PDE4D: variants seen among roughly 807,000 people sequenced by gnomAD.
PDE4D encodes 3',5'-cyclic-AMP phosphodiesterase 4D.
A neutral mutation model predicts 87.4 loss-of-function variants in PDE4D; 24 were observed. The observed-to-expected ratio is 0.27, with a 90% confidence interval of 0.20 to 0.39. PDE4D has a LOEUF of 0.39. PDE4D is among the 10% of genes least tolerant of loss of function. PDE4D has a pLI of 1.00. For synonymous variants in PDE4D, 384 were observed against 383.2 expected, an observed-to-expected ratio of 1.00 and a Z score of -0.02; for missense variants, 714 against 1,041.0, an observed-to-expected ratio of 0.69 and a Z score of 4.32.
At position 58,999,553 on chromosome 5, in the gene PDE4D, G is replaced by GTATA. The variant is rs35776313; in HGVS notation, c.922-6092_922-6089dup. On this transcript the variant is annotated intron_variant, in intron 6 of 14. Transcript: ENST00000340635. ...TTCAGGCATTTTTGATTGATTATAT[G>GTATA]TATATATATATATATGTATATATAT... 9.1e-3 allele frequency: 9,529 copies of GTATA among 1,043,206 alleles called. 29 individuals are homozygous for GTATA. The highest frequency in any genetic ancestry group is 0.027 in the African/African-American group (1,553 of 57,148). The allele number at this position is 1,043,206 out of a possible 1,614,324, so 64.6% of individuals were successfully genotyped here.
intron 1 of PDE4D, among the ~76,000 whole-genome samples, chr5:59,839,412 GTTTGT>G (rs1742641493): frequency 6.6e-6 from 1 of 151,868 alleles, no homozygotes; most frequent in Non-Finnish European, 1.5e-5. Context: ...TTTTTTGTTT[GTTTGT>G]TTTTTGTTTT....
At chr5:59,137,665 T>G (rs1186219691) in intron 5 of PDE4D, among the ~76,000 whole-genome samples, 1 of 152,028 alleles carries the variant, frequency 6.6e-6, no homozygotes, top group East Asian at 1.9e-4. Context: ...TAGCTGGGAC[T>G]ACAGGCGCCC....
intron 1 of PDE4D, among the ~76,000 whole-genome samples, chr5:60,325,596 T>C (rs13176686): frequency 2.0e-5 from 3 of 152,226 alleles, no homozygotes; most frequent in East Asian, 3.8e-4. Context: ...GACTCTCTTG[T>C]ACTTTATTTT....
chr5:60,130,813 T>A (rs1779500320), intron 2 of PDE4D, among the ~76,000 whole-genome samples: 1 of 152,228 alleles, frequency 6.6e-6, no homozygotes, highest in Non-Finnish European at 1.5e-5. Context: ...AAGATATGTC[T>A]GTGCCTATGG....
intron 1 of PDE4D, among the ~76,000 whole-genome samples, chr5:59,462,940 TTAAG>T (rs753965473): frequency 1.3e-5 from 2 of 152,168 alleles, no homozygotes; most frequent in African/African-American, 4.8e-5. Context: ...TCTTTTATCA[TTAAG>T]TATTTATTTA....
chr5:59,570,067 A>G (rs1303269616), intron 1 of PDE4D, among the ~76,000 whole-genome samples: 1 of 152,236 alleles, frequency 6.6e-6, no homozygotes, highest in Admixed American at 6.5e-5. Context: ...GTGGTTGTGA[A>G]TATCATACTT....
intron 1 of PDE4D, among the ~76,000 whole-genome samples, chr5:60,283,881 T>C (rs1301351469): frequency 1.3e-5 from 2 of 152,114 alleles, no homozygotes; most frequent in Admixed American, 1.3e-4. Context: ...CTGCGTGTAT[T>C]TCCTATGCAC....
chr5:59,709,272 T>C (rs1168341828), intron 1 of PDE4D, among the ~76,000 whole-genome samples: 1 of 152,170 alleles, frequency 6.6e-6, no homozygotes, highest in East Asian at 1.9e-4. Context: ...CTCTTCTCTA[T>C]AAACAGAAAA....
intron 1 of PDE4D, among the ~76,000 whole-genome samples, chr5:59,326,736 A>C (rs1486578898): frequency 6.6e-6 from 1 of 152,204 alleles, no homozygotes; most frequent in Non-Finnish European, 1.5e-5. Context: ...TACAATGAAA[A>C]AAAGCATATT....
intron 1 of PDE4D, among the ~76,000 whole-genome samples, chr5:59,389,192 T>G (rs1471015481): frequency 1.3e-5 from 2 of 152,064 alleles, no homozygotes; most frequent in Non-Finnish European, 2.9e-5. Context: ...CTTAAAGAGA[T>G]AATCTCTAAG....
chr5:59,753,753 G>A (rs896118554), intron 1 of PDE4D, among the ~76,000 whole-genome samples: 4 of 152,190 alleles, frequency 2.6e-5, no homozygotes, highest in Non-Finnish European at 5.9e-5. Flanking sequence ...AAAGAGGGAT[G>A]AGCATCAATT....
At chr5:60,401,963 A>G (rs1741131042) in intron 1 of PDE4D, among the ~76,000 whole-genome samples, 2 of 152,214 alleles carry the variant, frequency 1.3e-5, no homozygotes, top group Admixed American at 6.5e-5. Context: ...TCTAAATGTG[A>G]ATACCCAAAA....
chr5:59,846,409 C>T (rs1452698071), intron 1 of PDE4D, among the ~76,000 whole-genome samples: 1 of 151,984 alleles, frequency 6.6e-6, no homozygotes, highest in South Asian at 2.1e-4. Context: ...AAAAACCACC[C>T]GGGATGCTTG....
chr5:59,344,731 ATCTG>A (rs1250600589), intron 1 of PDE4D, among the ~76,000 whole-genome samples: 1 of 152,154 alleles, frequency 6.6e-6, no homozygotes, highest in African/African-American at 2.4e-5. Flanking sequence ...GATGTGAAGT[ATCTG>A]TCTGGTAATA....
At chr5:59,843,199 C>T (rs1469816103) in intron 1 of PDE4D, among the ~76,000 whole-genome samples, 2 of 151,876 alleles carry the variant, frequency 1.3e-5, no homozygotes, top group Non-Finnish European at 2.9e-5. Context: ...GCATGATAAG[C>T]CCTATCAAAG....
At chr5:59,649,931 T>TTTTTTTTTTTTTTTTTTTTTTTTTG (rs1474090994) in intron 1 of PDE4D, among the ~76,000 whole-genome samples, 1 of 141,262 alleles carries the variant, frequency 7.1e-6, no homozygotes, top group Non-Finnish European at 1.5e-5. Context: ...TTTTTTTTTT[T>TTTTTTTTTTTTTTTTTTTTTTTTTG]TAGCAATGAC....
In PDE4D at chr5:58,971,695, TTCAG is replaced by T. The variant is rs1742624672; in HGVS notation, c.*2965_*2968del. 1 of 152,648 alleles carries T rather than the reference TTCAG, an allele frequency of 6.6e-6. No homozygotes were observed. Among genetic ancestry groups the T allele is most frequent in the South Asian group, 2.1e-4 (1 of 4,834 alleles). 9.5% of individuals were successfully genotyped at this position (152,648 alleles called of 1,614,324 possible). ...ACAAAATTAAAACAGCATTATTGTGTTCAGTAACTTGCAAGCTGAAATGCACTGG... is the reference window on the plus strand; with the variant it reads ...ACAAAATTAAAACAGCATTATTGTGTTAACTTGCAAGCTGAAATGCACTGG... On this transcript the variant is annotated 3_prime_UTR_variant, in exon 15 of 15. Coordinates refer to ENST00000340635, the MANE Select transcript of PDE4D (RefSeq NM_001104631.2).
intron 1 of PDE4D, among the ~76,000 whole-genome samples, chr5:60,217,137 G>C (rs976219240): frequency 6.6e-6 from 1 of 151,992 alleles, no homozygotes; most frequent in African/African-American, 2.4e-5. Flanking sequence ...AAATCTTGAG[G>C]ACATTATACC....
At chr5:59,096,472 G>A (rs781064737) in intron 5 of PDE4D, among the ~76,000 whole-genome samples, 1 of 152,088 alleles carries the variant, frequency 6.6e-6, no homozygotes, top group Non-Finnish European at 1.5e-5. Context: ...TTTCCTTTGG[G>A]GAACATCCCC....
Sources: gnomAD v4.1 joint callset for allele counts (sites outside exome capture counted in the v4.1 genomes callset) on GRCh38, gnomAD v4.1.1 for gene constraint, MANE v1.5 for transcripts, NCBI Gene and HGNC (gene_info 2026-07-23, HGNC 2026-07-21) for gene names.